The following DTX4 variants were observed in gnomAD, a reference collection of about 807,000 sequenced individuals.
DTX4 encodes the protein E3 ubiquitin-protein ligase DTX4.
A neutral mutation model predicts 57.6 loss-of-function variants in DTX4; 28 were observed. The ratio of observed to expected loss-of-function variants is 0.49; its 90% CI spans 0.36 to 0.67. The LOEUF (loss-of-function observed/expected upper bound fraction) is 0.67. DTX4 is among the 30% of genes least tolerant of loss of function. The probability of loss-of-function intolerance (pLI) is 0.00; values close to 1 mark genes in which losing one functional copy is unlikely to be tolerated. For synonymous variants in DTX4, 316 were observed against 331.0 expected, an observed-to-expected ratio of 0.95 and a Z score of 0.49; for missense variants, 715 against 836.8, an observed-to-expected ratio of 0.85 and a Z score of 1.80.
chr11:59,183,828 A>G (rs1377384897), intron 2 of DTX4, among the ~76,000 whole-genome samples: 1 of 152,236 alleles, frequency 6.6e-6, no homozygotes, highest in Non-Finnish European at 1.5e-5. Context: ...TACCTACTGC[A>G]TGGAGTTATC....
intron 7 of DTX4, 73 bp downstream of exon 7, chr11:59,195,442 AG>A: frequency 7.3e-7 from 1 of 1,367,822 alleles, no homozygotes; most frequent in Non-Finnish European, 9.9e-7. Context: ...GTAGGTAAAA[AG>A]TTACATATGA....
intron 6 of DTX4, chr11:59,194,856 G>C: frequency 3.6e-6 from 1 of 280,228 alleles, no homozygotes; most frequent in South Asian, 3.9e-5. Flanking sequence ...GGCAGTTGCT[G>C]CTCTCCAGGT....
chr11:59,180,320 C>A (rs550877074), intron 1 of DTX4, among the ~76,000 whole-genome samples: 22 of 152,180 alleles, frequency 1.4e-4, no homozygotes, highest in Non-Finnish European at 2.9e-4. Flanking sequence ...CCATGTTCCC[C>A]AGCAGAGGCC....
In DTX4 at chr11:59,192,267, G is replaced by T. The variant is rs1429218527; in HGVS notation, c.1374+17G>T. Reference sequence around the variant, plus strand: ...GGGAACAAGGTCAGTGCCAGCCTATGGGGCTCCTGCCACCCTTCACACTGG... The same window carrying T: ...GGGAACAAGGTCAGTGCCAGCCTATTGGGCTCCTGCCACCCTTCACACTGG... On this transcript the variant is annotated intron_variant, in intron 6 of 8. Coordinates refer to ENST00000227451, the MANE Select transcript of DTX4 (RefSeq NM_015177.2). 14 of 1,613,514 alleles carry T rather than the reference G, an allele frequency of 8.7e-6. No individual in the cohort carries two copies. Among genetic ancestry groups the T allele is most frequent in the Non-Finnish European group, 1.0e-5 (12 of 1,179,548 alleles).
chr11:59,173,337 G>C (rs1210941387), intron 1 of DTX4, among the ~76,000 whole-genome samples: 1 of 152,222 alleles, frequency 6.6e-6, no homozygotes, highest in Non-Finnish European at 1.5e-5. Context: ...GTGGGAACTG[G>C]GGGAGGAAGA....
chr11:59,190,631 C>G (rs898695160), intron 4 of DTX4, among the ~76,000 whole-genome samples: 3 of 152,130 alleles, frequency 2.0e-5, no homozygotes, highest in African/African-American at 7.2e-5. Flanking sequence ...CCATCCACAG[C>G]CAGGAAAGAT....
At chr11:59,173,597 A>G (rs1280826100) in intron 1 of DTX4, among the ~76,000 whole-genome samples, 1 of 152,122 alleles carries the variant, frequency 6.6e-6, no homozygotes, top group Non-Finnish European at 1.5e-5. Context: ...CTAAGGAGAA[A>G]CTGTCCCCAG....
At chr11:59,175,228 G>A (rs1862380624) in intron 1 of DTX4, among the ~76,000 whole-genome samples, 1 of 152,200 alleles carries the variant, frequency 6.6e-6, no homozygotes, top group Non-Finnish European at 1.5e-5. Flanking sequence ...TCAAAGCTGG[G>A]AACCAGAAAC....
intron 1 of DTX4, among the ~76,000 whole-genome samples, chr11:59,175,902 T>TG: frequency 6.6e-6 from 1 of 152,224 alleles, no homozygotes; most frequent in Admixed American, 6.5e-5. Context: ...TCATTTTTTT[T>TG]TTTTTTTTTA....
At chr11:59,191,925 G>A (rs552669417) in intron 5 of DTX4, among the ~76,000 whole-genome samples, 173 bp from the exon 6 acceptor site, 3 of 152,310 alleles carry the variant, frequency 2.0e-5, no homozygotes, top group Non-Finnish European at 4.4e-5. Flanking sequence ...ATTTCAGGAC[G>A]TTGTTGTGTA....
In DTX4 at chr11:59,201,685, C is replaced by T. The variant is rs181517551; in HGVS notation, c.1626+1912C>T. On this transcript the variant is annotated intron_variant, in intron 8 of 8. Transcript: ENST00000227451. ...ACCACACTGAGAAGATGTGCGAGTG[C>T]AGTGTCCCCAGATTAGGGGTCAGGA... Among the ~76,000 whole-genome samples, 338 of 152,308 alleles carry T rather than the reference C, an allele frequency of 2.2e-3. 3 individuals carry two copies. The highest frequency in any genetic ancestry group is 7.1e-3 in the African/African-American group (294 of 41,552).
intron 6 of DTX4, among the ~76,000 whole-genome samples, chr11:59,194,390 C>T (rs1007778262): frequency 2.6e-5 from 4 of 152,214 alleles, no homozygotes; most frequent in African/African-American, 9.7e-5. Context: ...AAATTCATAG[C>T]TATTCTTCAA....
chr11:59,204,920 G>A lies in DTX4; in HGVS notation c.*11G>A. The A allele has an allele frequency of 6.4e-7, 1 of 1,563,538 alleles. No individual in the cohort carries two copies. Among genetic ancestry groups the A allele is most frequent in the Non-Finnish European group, 8.7e-7 (1 of 1,152,958 alleles). On this transcript the variant is annotated 3_prime_UTR_variant, in exon 9 of 9. Coordinates refer to ENST00000227451, the MANE Select transcript of DTX4 (RefSeq NM_015177.2). ...CAGGAGAAGGACTGAGGCCAGAAAA[G>A]CTTTGAGGTGGGAGGGGCCATGGAG...
At chr11:59,193,683 A>G (rs1432385030) in intron 6 of DTX4, among the ~76,000 whole-genome samples, 5 of 152,234 alleles carry the variant, frequency 3.3e-5, no homozygotes, top group Admixed American at 6.5e-5. Flanking sequence ...ACTTTGAAGC[A>G]TGTGTTTTTA....
chr11:59,180,546 G>T (rs778431401), intron 1 of DTX4, among the ~76,000 whole-genome samples: 1 of 152,198 alleles, frequency 6.6e-6, no homozygotes, highest in Non-Finnish European at 1.5e-5. Context: ...TCAGAGGCTG[G>T]TGAAGGCAGC....
Position 59,206,497 on chromosome 11 carries a change from TG to T in DTX4, c.*1593del, listed in dbSNP as rs1241942323. ...ATTTGAATTTATATACCTCATGTTTTGGGGGTTTGACGTATATATATATATA... is the reference window on the plus strand; with the variant it reads ...ATTTGAATTTATATACCTCATGTTTTGGGGTTTGACGTATATATATATATA... On this transcript the variant is annotated 3_prime_UTR_variant, in exon 9 of 9. Coordinates refer to ENST00000227451, the MANE Select transcript of DTX4 (RefSeq NM_015177.2). 1.5e-5 allele frequency: 2 copies of T among 133,330 alleles called. No homozygotes were observed. The highest frequency in any genetic ancestry group is 2.9e-5 in the African/African-American group (1 of 34,504). 8.3% of individuals were successfully genotyped at this position (133,330 alleles called of 1,614,324 possible).
chr11:59,185,905 G>GC (rs1355389370), intron 2 of DTX4, among the ~76,000 whole-genome samples: 1 of 152,132 alleles, frequency 6.6e-6, no homozygotes, highest in African/African-American at 2.4e-5. Flanking sequence ...CATTTAGGAT[G>GC]CCCTGTTCAC....
chr11:59,191,327 T>C (rs906220306), intron 5 of DTX4, among the ~76,000 whole-genome samples, 152 bp downstream of exon 5: 9 of 152,046 alleles, frequency 5.9e-5, no homozygotes, highest in Admixed American at 3.9e-4. Flanking sequence ...GGGTTCAAGG[T>C]CCATGGTCCA....
At chr11:59,175,706 C>A (rs888583512) in intron 1 of DTX4, among the ~76,000 whole-genome samples, 3 of 152,154 alleles carry the variant, frequency 2.0e-5, no homozygotes, top group African/African-American at 7.2e-5. Context: ...AGGGCAGTGA[C>A]TGAAGAGCTT....
Sources: gnomAD v4.1 joint callset for allele counts (sites outside exome capture counted in the v4.1 genomes callset) on GRCh38, gnomAD v4.1.1 for gene constraint, MANE v1.5 for transcripts, NCBI Gene and HGNC (gene_info 2026-07-23, HGNC 2026-07-21) for gene names.